Variants in TAPT1 observed in about 807,000 individuals in gnomAD.
TAPT1 encodes transmembrane anterior posterior transformation 1.
A neutral mutation model predicts 65.6 loss-of-function variants in TAPT1; 28 were observed. The observed-to-expected ratio is 0.43, with a 90% CI of 0.32 to 0.59. The LOEUF is 0.59. Ranked by LOEUF, TAPT1 falls within the 20% of genes least tolerant of loss-of-function variation. TAPT1 has a pLI of 0.09. For missense variants in TAPT1, 563 were observed against 679.9 expected, an observed-to-expected ratio of 0.83 and a Z score of 1.91; for synonymous variants, 278 against 245.2, an observed-to-expected ratio of 1.13 and a Z score of -1.25.
At chr4:16,172,851 T>C (rs557028090) in intron 11 of TAPT1, among the ~76,000 whole-genome samples, 2 of 151,306 alleles carry the variant, frequency 1.3e-5, no homozygotes, top group Non-Finnish European at 2.9e-5. Context: ...TGAGATGGAG[T>C]GTTGCTCTTG....
At chr4:16,210,980 C>A (rs1750615412) in intron 2 of TAPT1, among the ~76,000 whole-genome samples, 1 of 151,092 alleles carries the variant, frequency 6.6e-6, no homozygotes, top group Non-Finnish European at 1.5e-5. Context: ...ATAAGCAATT[C>A]ATTTTTACTA....
chr4:16,226,250 C>T lies in TAPT1; in HGVS notation c.199+9G>A, dbSNP rs1020791071. 29 of 1,118,548 alleles carry T rather than the reference C, an allele frequency of 2.6e-5. No homozygotes were observed. In the Admixed American group the frequency reaches 1.0e-3, roughly 39 times the overall value. The allele number at this position is 1,118,548 out of a possible 1,614,324, so 69.3% of individuals were successfully genotyped here. A position where few individuals can be genotyped will look rare whatever the true frequency, so the allele number is the denominator to read the frequency against. Reference sequence around the variant, plus strand: ...GGAGCCCGCCACGGCCTAGCGCCGCCCGCCTCACCTGTGCGGCCCCGGCGC... The same window carrying T: ...GGAGCCCGCCACGGCCTAGCGCCGCTCGCCTCACCTGTGCGGCCCCGGCGC... On this transcript the variant is annotated intron_variant, in intron 1 of 13. Transcript: ENST00000405303.
At chr4:16,169,109 C>T (rs894030936) in intron 12 of TAPT1, among the ~76,000 whole-genome samples, 5 of 152,166 alleles carry the variant, frequency 3.3e-5, no homozygotes, top group African/African-American at 4.8e-5. Flanking sequence ...ATTTAGGAAT[C>T]ATCCTGAGAT....
chr4:16,217,035 A>G (rs930434339), intron 1 of TAPT1, among the ~76,000 whole-genome samples: 7 of 152,070 alleles, frequency 4.6e-5, no homozygotes, highest in African/African-American at 1.7e-4. Flanking sequence ...ATTTCTCCCA[A>G]ACACGTCAAT....
In TAPT1 at chr4:16,194,428, T is replaced by C. The variant is rs550726438; in HGVS notation, c.450-2905A>G. Among the ~76,000 whole-genome samples, 19 of 152,292 alleles carry C rather than the reference T, an allele frequency of 1.2e-4. No homozygotes were observed. The South Asian group carries it at 3.9e-3, about 32-fold the overall frequency. On this transcript the variant is annotated intron_variant, in intron 3 of 13. Transcript: ENST00000405303. ...ACACGGTGCAGCAGGGATGGAAACT[T>C]GGCAACCTGGCTCCAGAAGGCATGC...
chr4:16,207,209 A>G (rs532844180), intron 2 of TAPT1, among the ~76,000 whole-genome samples: 1 of 152,358 alleles, frequency 6.6e-6, no homozygotes, highest in East Asian at 1.9e-4. Context: ...GTTTTTATGA[A>G]ATCAGAAACT....
chr4:16,198,924 A>T (rs537838346), intron 3 of TAPT1, among the ~76,000 whole-genome samples: 66 of 152,230 alleles, frequency 4.3e-4, no homozygotes, highest in Admixed American at 2.7e-3. Flanking sequence ...GACTTTAAAA[A>T]TAATGCTCAA....
intron 2 of TAPT1, 47 bp downstream of exon 2, chr4:16,213,721 T>C (rs1750771299): frequency 3.4e-6 from 5 of 1,483,136 alleles, no homozygotes; most frequent in Non-Finnish European, 4.5e-6. Context: ...ATTAATACTT[T>C]GACATAACTT....
In TAPT1 at chr4:16,222,019, C is replaced by G. The variant is rs918170359; in HGVS notation, c.199+4240G>C. ...AGGAGTAAAGAGTAGAATATTTACACATGTATAGATGGAAAACAGGTATAA... is the reference window on the plus strand; with the variant it reads ...AGGAGTAAAGAGTAGAATATTTACAGATGTATAGATGGAAAACAGGTATAA... On this transcript the variant is annotated intron_variant, in intron 1 of 13. Coordinates refer to ENST00000405303, the MANE Select transcript of TAPT1 (RefSeq NM_153365.3). Among the ~76,000 whole-genome samples the G allele has an allele frequency of 2.0e-5, 3 of 152,258 alleles. No individual in the cohort carries two copies. In the East Asian group the frequency reaches 5.8e-4, roughly 29 times the overall value.
chr4:16,224,801 G>C (rs574656245), intron 1 of TAPT1, among the ~76,000 whole-genome samples: 1 of 152,332 alleles, frequency 6.6e-6, no homozygotes, highest in East Asian at 1.9e-4. Flanking sequence ...GAAGTGTTAA[G>C]TGATACTGCA....
Position 16,216,588 on chromosome 4 carries a change from T to C in TAPT1, c.200-2690A>G, listed in dbSNP as rs149005938. Among the ~76,000 whole-genome samples the C allele has an allele frequency of 8.5e-5, 13 of 152,286 alleles. No individual in the cohort carries two copies. In the East Asian group the frequency reaches 2.5e-3, roughly 29 times the overall value. On this transcript the variant is annotated intron_variant, in intron 1 of 13. Transcript: ENST00000405303. Reference sequence around the variant, plus strand: ...GGAGTCCTGACTTCAGTTCCTGGCATTACCAGTGACATACTTGCTGCCCTA... The same window carrying C: ...GGAGTCCTGACTTCAGTTCCTGGCACTACCAGTGACATACTTGCTGCCCTA...
intron 7 of TAPT1, among the ~76,000 whole-genome samples, chr4:16,185,631 C>T (rs543703092): frequency 5.9e-5 from 9 of 152,222 alleles, no homozygotes; most frequent in East Asian, 3.9e-4. Flanking sequence ...GGCCTCCCAA[C>T]GTGCTGGGAT....
chr4:16,218,606 C>T (rs1312056940), intron 1 of TAPT1, among the ~76,000 whole-genome samples: 1 of 152,194 alleles, frequency 6.6e-6, no homozygotes, highest in African/African-American at 2.4e-5. Flanking sequence ...ATGTCAATTT[C>T]ACCGAAAAGA....
At chr4:16,214,561 A>T (rs1270109297) in intron 1 of TAPT1, 1 of 152,156 alleles carries the variant, frequency 6.6e-6, no homozygotes, top group Non-Finnish European at 1.5e-5. Context: ...TAGTTATCTC[A>T]TCTCAGGTGA....
chr4:16,170,847 C>A, intron 11 of TAPT1, 118 bp from the exon 12 acceptor site: 1 of 691,012 alleles, frequency 1.4e-6, no homozygotes, highest in South Asian at 2.2e-5. Flanking sequence ...AGGCATATAT[C>A]TATGGCCTTT....
At chr4:16,171,453 C>T (rs1209799914) in intron 11 of TAPT1, among the ~76,000 whole-genome samples, 5 of 151,722 alleles carry the variant, frequency 3.3e-5, no homozygotes, top group Non-Finnish European at 5.9e-5. Context: ...ACAAGTGCTG[C>T]TATGCCCATA....
At chr4:16,186,152 A>G (rs1749002077) in intron 7 of TAPT1, among the ~76,000 whole-genome samples, 1 of 152,206 alleles carries the variant, frequency 6.6e-6, no homozygotes, top group African/African-American at 2.4e-5. Context: ...TAAAAAAGCT[A>G]AGGACTTAGA....
At chr4:16,226,633 G>T (rs1275053862), upstream of TAPT1, 2 of 188,506 alleles carry the variant, frequency 1.1e-5, no homozygotes, top group Non-Finnish European at 1.9e-5. Context: ...TGAGGCCGCT[G>T]CCGCCGCCGC....
intron 1 of TAPT1, chr4:16,225,890 T>C (rs1421331919): frequency 1.0e-6 from 1 of 985,934 alleles, no homozygotes; most frequent in African/African-American, 1.7e-5. Context: ...ATGAATATAA[T>C]TAAGAAATCA....
Sources: allele counts gnomAD v4.1 joint callset (sites outside exome capture counted in the v4.1 genomes callset), GRCh38; gene constraint gnomAD v4.1.1; transcripts MANE v1.5; gene names NCBI Gene and HGNC (gene_info 2026-07-23, HGNC 2026-07-21).